The following BRPF3 variants were observed in gnomAD, a reference collection of about 807,000 sequenced individuals.
BRPF3 encodes bromodomain and PHD finger containing 3, also known as bromodomain and PHD finger-containing protein 3.
Under a neutral mutation model 102.0 loss-of-function variants are expected in BRPF3, and 18 were observed. The observed-to-expected ratio is 0.18, with a 90% CI of 0.12 to 0.26. BRPF3 has a LOEUF of 0.26. BRPF3 is among the 10% of genes least tolerant of loss of function. The pLI, the probability that BRPF3 is intolerant of heterozygous loss-of-function variation, is 1.00. For missense variants in BRPF3, 1,147 were observed against 1,567.8 expected, an observed-to-expected ratio of 0.73 and a Z score of 4.53; for synonymous variants, 570 against 614.2, an observed-to-expected ratio of 0.93 and a Z score of 1.06.
chr6:36,226,947 C>T (rs2127297526), intron 11 of BRPF3, among the ~76,000 whole-genome samples: 1 of 152,376 alleles, frequency 6.6e-6, no homozygotes, highest in East Asian at 1.9e-4. Context: ...AGTGATTAAG[C>T]TGTGCAGGTT....
intron 7 of BRPF3, among the ~76,000 whole-genome samples, 175 bp from the exon 8 acceptor site, chr6:36,213,704 GA>G (rs60749841): frequency 8.3e-4 from 112 of 135,188 alleles, no homozygotes; most frequent in Admixed American, 8.9e-4. Context: ...TCCTGTCTCT[GA>G]AAAAAAAAAA....
intron 8 of BRPF3, among the ~76,000 whole-genome samples, chr6:36,214,754 C>T (rs190617840): frequency 6.6e-6 from 1 of 152,264 alleles, no homozygotes; most frequent in South Asian, 2.1e-4. Context: ...AAAATCTGCT[C>T]TCTTATGGGG....
intron 11 of BRPF3, among the ~76,000 whole-genome samples, chr6:36,225,998 T>G (rs547436118): frequency 1.2e-4 from 19 of 152,362 alleles, no homozygotes; most frequent in Non-Finnish European, 8.8e-5. Flanking sequence ...CATGCACATC[T>G]TATGCCATTA....
At position 36,204,794 on chromosome 6, in the gene BRPF3, T is replaced by G; in HGVS notation, c.1585T>G (p.Ser529Ala). ...LIRRLHSHLQ[S>A]QRNAEQREQD... ...CCGGCGCTTGCACTCCCATCTGCAG[T>G]CCCAAAGAAACGCTGAGCAGGTAGG... The change falls in exon 3 of 13, where the codon TCC (serine) becomes GCC (alanine). Residue 529 changes from serine to alanine, a missense_variant. Transcript: ENST00000357641. 6.2e-7 allele frequency: 1 copy of G among 1,614,080 alleles called. No individual in the cohort carries two copies. The highest frequency in any genetic ancestry group is 8.5e-7 in the Non-Finnish European group (1 of 1,179,946).
In BRPF3 at chr6:36,196,976, G is replaced by C. The variant is rs1392810474; in HGVS notation, c.-27+6G>C. ...GGGCCGGGCAGGCGGCTGAGGTAAT[G>C]GGGGCGGCAGCGGGGCCGGACAGAG... is the stretch of plus-strand genomic sequence containing the variant. On this transcript the variant is annotated splice_donor_region_variant and intron_variant, in intron 1 of 12. Transcript: ENST00000357641. 1 of 151,712 alleles carries C rather than the reference G, an allele frequency of 6.6e-6. No homozygotes were observed. The highest frequency in any genetic ancestry group is 2.4e-5 in the African/African-American group (1 of 41,336). 9.4% of individuals were successfully genotyped at this position (151,712 alleles called of 1,614,324 possible). A position where few individuals can be genotyped will look rare whatever the true frequency, so the allele number is the denominator to read the frequency against.
At position 36,211,428 on chromosome 6, in the gene BRPF3, C is replaced by G. The variant is rs1768106243; in HGVS notation, c.2350C>G (p.Gln784Glu). Residue 784 changes from glutamine to glutamate, a missense_variant, in exon 7 of 13, where the codon CAG becomes GAG. By Grantham distance (29) the Gln-to-Glu change is conservative. This residue lies in a region of BRPF3 where 379 missense variants were observed against 426.3 expected (regional missense o/e 0.89). Transcript: ENST00000357641. ...EINALRQKLA[Q>E]PPPPQPPSLN... ...CAATGCCCTTCGGCAGAAGCTGGCA[C>G]AGCCACCACCACCACAGCCACCATC... The G allele has an allele frequency of 1.2e-6, 2 of 1,611,544 alleles. No individual in the cohort carries two copies. Among genetic ancestry groups the G allele is most frequent in the Non-Finnish European group, 1.7e-6 (2 of 1,179,174 alleles).
chr6:36,215,422 A>G (rs1768293455), intron 8 of BRPF3, among the ~76,000 whole-genome samples: 1 of 152,220 alleles, frequency 6.6e-6, no homozygotes, highest in South Asian at 2.1e-4. Flanking sequence ...AAGTGTTCTT[A>G]ATATACATCC....
At chr6:36,209,086 A>C (rs1226132178) in intron 4 of BRPF3, among the ~76,000 whole-genome samples, 1 of 152,222 alleles carries the variant, frequency 6.6e-6, no homozygotes, top group African/African-American at 2.4e-5. Flanking sequence ...TTCTAGACAG[A>C]TGACCTTAGA....
At chr6:36,221,281 C>CTT (rs35018880) in intron 9 of BRPF3, among the ~76,000 whole-genome samples, 492 of 76,656 alleles carry the variant, frequency 6.4e-3, no homozygotes, top group East Asian at 8.8e-3. Context: ...AATTGGTCTA[C>CTT]TTTTTTTTTT....
rs754624970 is a variant in BRPF3, at chr6:36,228,967, G to T, written c.3345G>T (p.Pro1115=). ...LHNGVPIPVP[P]LDVLKLGEQK... ...ATGGCGTTCCCATCCCTGTCCCCCC[G>T]CTGGACGTGCTGAAGCTGGGAGAGC... The change falls in exon 12 of 13, where the codon CCG becomes CCT. Residue 1115 remains proline, a synonymous_variant. Transcript: ENST00000357641. 3 of 1,614,222 alleles carry T rather than the reference G, an allele frequency of 1.9e-6. No individual in the cohort carries two copies. The highest frequency in any genetic ancestry group is 2.5e-6 in the Non-Finnish European group (3 of 1,180,032).
At chr6:36,215,714 G>A (rs1768306181) in intron 8 of BRPF3, among the ~76,000 whole-genome samples, 1 of 152,182 alleles carries the variant, frequency 6.6e-6, no homozygotes, top group Non-Finnish European at 1.5e-5. Context: ...GTGGGAACAA[G>A]GAGGACAGAA....
chr6:36,211,687 T>C (rs1768120631), intron 7 of BRPF3, 127 bp downstream of exon 7: 4 of 1,105,438 alleles, frequency 3.6e-6, no homozygotes, highest in Non-Finnish European at 5.1e-6. Flanking sequence ...CAAAAGTGCT[T>C]GGAAGGGCCA....
chr6:36,215,485 T>C (rs569444290), intron 8 of BRPF3, among the ~76,000 whole-genome samples: 2 of 152,340 alleles, frequency 1.3e-5, no homozygotes, highest in East Asian at 3.9e-4. Context: ...AAGTCAGACT[T>C]AATTCCAGCT....
chr6:36,213,151 C>T (rs1174083042), intron 7 of BRPF3, among the ~76,000 whole-genome samples: 3 of 152,178 alleles, frequency 2.0e-5, no homozygotes, highest in Admixed American at 6.5e-5. Flanking sequence ...ATTGTAGATA[C>T]CTAATCTGTC....
Position 36,209,789 on chromosome 6 carries a change from C to T in BRPF3, c.1740C>T (p.Val580=). 1.9e-6 allele frequency: 3 copies of T among 1,613,942 alleles called. No homozygotes were observed. Among genetic ancestry groups the T allele is most frequent in the Non-Finnish European group, 2.5e-6 (3 of 1,179,880 alleles). The change falls in exon 5 of 13, where the codon GTC becomes GTT. Residue 580 remains valine, a splice_region_variant and synonymous_variant. Transcript: ENST00000357641. ...RKREKLKREQ[V]KVQQAAMELE... is the part of the protein sequence containing the mutation. Reference sequence around the variant, plus strand: ...ATCTCACCCCACCTTCCCCACAGGTCAAAGTCCAGCAGGCTGCCATGGAGC... The same window carrying T: ...ATCTCACCCCACCTTCCCCACAGGTTAAAGTCCAGCAGGCTGCCATGGAGC...
chr6:36,211,124 A>T (rs935611754), intron 6 of BRPF3, 134 bp from the exon 7 acceptor site: 30 of 1,024,128 alleles, frequency 2.9e-5, no homozygotes, highest in Middle Eastern at 3.2e-4. Flanking sequence ...GCCAAGGCCC[A>T]CAGTGACGCT....
chr6:36,212,322 G>A (rs766197230), intron 7 of BRPF3, among the ~76,000 whole-genome samples: 1 of 152,058 alleles, frequency 6.6e-6, no homozygotes, highest in South Asian at 2.1e-4. Flanking sequence ...GGCCTGTCAC[G>A]CACACAGTCG....
chr6:36,210,558 G>A lies in BRPF3; in HGVS notation c.2179+30G>A. 1 of 1,551,506 alleles carries A rather than the reference G, an allele frequency of 6.4e-7. No individual in the cohort carries two copies. The highest frequency in any genetic ancestry group is 8.7e-7 in the Non-Finnish European group (1 of 1,155,238). ...GAGGCCTGGATGGGTGGGGAGGAGAGGGGCCAGGAGGAGGCACAGGAACAG... is the reference window on the plus strand; with the variant it reads ...GAGGCCTGGATGGGTGGGGAGGAGAAGGGCCAGGAGGAGGCACAGGAACAG... On this transcript the variant is annotated intron_variant, in intron 6 of 12. Coordinates refer to ENST00000357641, the MANE Select transcript of BRPF3 (RefSeq NM_015695.3). This position sits in a 1 kb window ranked among gnomAD's most constrained non-coding sequence, Gnocchi z 4.7.
At position 36,225,382 on chromosome 6, in the gene BRPF3, G is replaced by T; in HGVS notation, c.3279+18G>T. On this transcript the variant is annotated intron_variant, in intron 11 of 12. Coordinates refer to ENST00000357641, the MANE Select transcript of BRPF3 (RefSeq NM_015695.3). The stretch of plus-strand genomic sequence containing the variant: ...CTGCCTTGGTGAGTCTGCCCCAGAC[G>T]CCACCCTCCTATCTCCCCTGCCTTG... The T allele has an allele frequency of 6.2e-7, 1 of 1,601,568 alleles. No individual in the cohort carries two copies.
Sources: allele counts gnomAD v4.1 joint callset (sites outside exome capture counted in the v4.1 genomes callset), GRCh38; gene constraint gnomAD v4.1.1; regional missense constraint gnomAD v4.1.1; non-coding constraint Gnocchi (gnomAD v3.1); transcripts MANE v1.5; gene names NCBI Gene and HGNC (gene_info 2026-07-23, HGNC 2026-07-21).